RPS6KA5: variants seen among roughly 807,000 people sequenced by gnomAD.
The protein encoded by RPS6KA5 is ribosomal protein S6 kinase A5.
A neutral mutation model predicts 85.5 loss-of-function variants in RPS6KA5; 27 were observed. The observed-to-expected ratio is 0.32, with a 90% CI of 0.23 to 0.44. The LOEUF (loss-of-function observed/expected upper bound fraction) is 0.44. Among genes scored for constraint, RPS6KA5 ranks in the 20% least tolerant of loss-of-function variants. The probability of loss-of-function intolerance (pLI) is 1.00; values close to 1 mark genes in which losing one functional copy is unlikely to be tolerated. For missense variants in RPS6KA5, 811 were observed against 980.9 expected (o/e 0.83, Z 2.31); for synonymous variants, 334 against 348.2 (o/e 0.96, Z 0.46).
chr14:90,909,098 T>C (rs559786350), intron 7 of RPS6KA5, among the ~76,000 whole-genome samples: 1 of 152,298 alleles, frequency 6.6e-6, no homozygotes, highest in South Asian at 2.1e-4. Flanking sequence ...GACATGTGAG[T>C]GTGAACGTCA....
Position 90,997,485 on chromosome 14 carries a change from C to T in RPS6KA5, c.175+3603G>A, listed in dbSNP as rs555777244. 6.0e-4 allele frequency among the ~76,000 whole-genome samples: 91 copies of T among 152,222 alleles called. 1 individual carries two copies. Among genetic ancestry groups the T allele is most frequent in the Admixed American group, 4.3e-3 (65 of 15,292 alleles). Reference sequence around the variant, plus strand: ...AGCCTCAAACTCCTGTTCAAGCAATCCTCCCACCTCAGCCTCCCAAGTAGC... The same window carrying T: ...AGCCTCAAACTCCTGTTCAAGCAATTCTCCCACCTCAGCCTCCCAAGTAGC... On this transcript the variant is annotated intron_variant, in intron 2 of 16. Coordinates refer to ENST00000614987, the MANE Select transcript of RPS6KA5 (RefSeq NM_004755.4).
chr14:90,940,567 GTCTGTT>G (rs369109452), intron 5 of RPS6KA5, among the ~76,000 whole-genome samples: 3 of 152,316 alleles, frequency 2.0e-5, no homozygotes, highest in South Asian at 2.1e-4. Context: ...CAGGGCCAAA[GTCTGTT>G]TCTATCTATT....
intron 14 of RPS6KA5, among the ~76,000 whole-genome samples, chr14:90,889,621 TAGTGAAAA>T (rs1415252600): frequency 1.3e-5 from 2 of 152,124 alleles, no homozygotes; most frequent in East Asian, 1.9e-4. Flanking sequence ...AGCTTATAAT[TAGTGAAAA>T]AGTGAAAAAA....
At position 91,060,615 on chromosome 14, in the gene RPS6KA5, C is replaced by CTT. The variant is rs2043635370; in HGVS notation, c.-182_-181insAA. ...GCACGGCTCGCTCCTCGCCTCCTCC[C>CTT]CCTTCGGCGGGCACCGCTAGTACCG... On this transcript the variant is annotated 5_prime_UTR_variant, in exon 1 of 17. Transcript: ENST00000614987. The CTT allele has an allele frequency of 1.2e-6, 1 of 846,082 alleles. No homozygotes were observed. Among genetic ancestry groups the CTT allele is most frequent in the East Asian group, 3.4e-5 (1 of 29,168 alleles). 52.4% of individuals were successfully genotyped at this position (846,082 alleles called of 1,614,324 possible).
chr14:90,900,900 A>G (rs767793790), intron 9 of RPS6KA5, among the ~76,000 whole-genome samples, 164 bp from the exon 10 acceptor site: 10 of 152,218 alleles, frequency 6.6e-5, no homozygotes, highest in Non-Finnish European at 1.5e-4. Context: ...GTTATTTCAA[A>G]TCATTTGAAA....
At chr14:91,050,828 C>T (rs1190833061) in intron 1 of RPS6KA5, among the ~76,000 whole-genome samples, 2 of 152,124 alleles carry the variant, frequency 1.3e-5, no homozygotes, top group African/African-American at 4.8e-5. Context: ...AAGCTAATTA[C>T]AAATCAAATC....
chr14:90,898,599 G>A (rs2034976935), intron 12 of RPS6KA5, among the ~76,000 whole-genome samples: 1 of 152,140 alleles, frequency 6.6e-6, no homozygotes, highest in African/African-American at 2.4e-5. Context: ...GTAAAATTAG[G>A]GCAAAGCACA....
intron 1 of RPS6KA5, among the ~76,000 whole-genome samples, chr14:91,028,166 C>A (rs145591198): frequency 1.3e-5 from 2 of 152,126 alleles, no homozygotes; most frequent in Non-Finnish European, 2.9e-5. Flanking sequence ...ATTGCCAAAG[C>A]GAGCTATTGC....
intron 1 of RPS6KA5, among the ~76,000 whole-genome samples, chr14:91,038,101 A>G (rs879692537): frequency 6.6e-6 from 1 of 152,156 alleles, no homozygotes; most frequent in Admixed American, 6.5e-5. Context: ...CAAACAAGGA[A>G]AAGTTATTCT....
At position 90,852,672 on chromosome 14, in the gene RPS6KA5, A is replaced by C. The variant is rs1358975490; in HGVS notation, c.*19402T>G. Reference sequence around the variant, plus strand: ...TCCAACTTTTATTTTATCCACATTAAAAGTATTTGTCTTTAAACAAAAATA... The same window carrying C: ...TCCAACTTTTATTTTATCCACATTACAAGTATTTGTCTTTAAACAAAAATA... On this transcript the variant is annotated 3_prime_UTR_variant, in exon 17 of 17. Coordinates refer to ENST00000614987, the MANE Select transcript of RPS6KA5 (RefSeq NM_004755.4). 1 of 152,194 alleles carries C rather than the reference A, an allele frequency of 6.6e-6. No homozygotes were observed. The highest frequency in any genetic ancestry group is 2.1e-4 in the South Asian group (1 of 4,836). The allele number at this position is 152,194 out of a possible 1,614,324, so 9.4% of individuals were successfully genotyped here.
chr14:91,046,803 TAATC>T (rs2042893116), intron 1 of RPS6KA5, among the ~76,000 whole-genome samples: 1 of 151,344 alleles, frequency 6.6e-6, no homozygotes, highest in Non-Finnish European at 1.5e-5. Flanking sequence ...TGCTTCTAAT[TAATC>T]AGAGACCTTA....
intron 1 of RPS6KA5, among the ~76,000 whole-genome samples, chr14:91,041,145 G>A: frequency 6.6e-6 from 1 of 152,102 alleles, no homozygotes; most frequent in Non-Finnish European, 1.5e-5. Flanking sequence ...AGAACAACAT[G>A]GAGTAAAGTC....
At chr14:91,055,764 C>T (rs757280234) in intron 1 of RPS6KA5, among the ~76,000 whole-genome samples, 12 of 152,080 alleles carry the variant, frequency 7.9e-5, no homozygotes, top group Non-Finnish European at 1.6e-4. Context: ...GGATAGATTC[C>T]GTCTCCAAAA....
At chr14:91,008,654 A>G (rs998146974) in intron 1 of RPS6KA5, among the ~76,000 whole-genome samples, 1 of 152,236 alleles carries the variant, frequency 6.6e-6, no homozygotes, top group African/African-American at 2.4e-5. Context: ...TGTTACTACG[A>G]GAGAATAATA....
chr14:90,991,086 AAGAC>A (rs747955374), intron 2 of RPS6KA5, among the ~76,000 whole-genome samples: 16 of 152,320 alleles, frequency 1.1e-4, no homozygotes, highest in Non-Finnish European at 2.4e-4. Context: ...TGGGCGAAAA[AAGAC>A]AGGGGAAACT....
At position 90,852,909 on chromosome 14, in the gene RPS6KA5, T is replaced by G. The variant is rs911385134; in HGVS notation, c.*19165A>C. On this transcript the variant is annotated 3_prime_UTR_variant, in exon 17 of 17. Transcript: ENST00000614987. ...CACGCCCGGCTAATTTTTGTTGTAT[T>G]TTTAGTAGAGACAGGGTTTCACCAT... 10 of 152,144 alleles carry G rather than the reference T, an allele frequency of 6.6e-5. No homozygotes were observed. The highest frequency in any genetic ancestry group is 2.4e-4 in the African/African-American group (10 of 41,346). The allele number at this position is 152,144 out of a possible 1,614,324, so 9.4% of individuals were successfully genotyped here.
chr14:91,043,745 A>G (rs902646165), intron 1 of RPS6KA5, among the ~76,000 whole-genome samples: 1 of 152,246 alleles, frequency 6.6e-6, no homozygotes, highest in Admixed American at 6.5e-5. Context: ...CCACCCCGAT[A>G]CGCATTTCCC....
At chr14:90,970,681 C>A (rs2039277799) in intron 3 of RPS6KA5, among the ~76,000 whole-genome samples, 1 of 152,126 alleles carries the variant, frequency 6.6e-6, no homozygotes, top group Non-Finnish European at 1.5e-5. Flanking sequence ...AGAATTCCCT[C>A]TCAGTGTTAG....
chr14:91,007,306 T>A (rs889933532), intron 1 of RPS6KA5, among the ~76,000 whole-genome samples: 1 of 152,170 alleles, frequency 6.6e-6, no homozygotes, highest in African/African-American at 2.4e-5. Flanking sequence ...AACTAAAAAC[T>A]TAGAATAGAG....
Sources: allele counts gnomAD v4.1 joint callset (sites outside exome capture counted in the v4.1 genomes callset), GRCh38; gene constraint gnomAD v4.1.1; transcripts MANE v1.5; gene names NCBI Gene and HGNC (gene_info 2026-07-23, HGNC 2026-07-21).